The following YJU2 variants were observed in gnomAD, a reference collection of about 807,000 sequenced individuals.
YJU2 encodes the protein YJU2 splicing factor homolog.
Under a neutral mutation model 39.6 loss-of-function variants are expected in YJU2, and 28 were observed. The observed-to-expected ratio is 0.71, with a 90% CI of 0.52 to 0.97. The LOEUF (loss-of-function observed/expected upper bound fraction) is 0.97. Among genes scored for constraint, YJU2 ranks in the 50% least tolerant of loss-of-function variants. YJU2 has a pLI of 0.00. For synonymous variants in YJU2, 184 were observed against 182.4 expected (o/e 1.01, Z -0.07); for missense variants, 328 against 430.4 (o/e 0.76, Z 2.11).
intron 4 of YJU2, among the ~76,000 whole-genome samples, chr19:4,257,381 C>G (rs34674639): frequency 1.3e-5 from 2 of 152,040 alleles, no homozygotes; most frequent in Non-Finnish European, 2.9e-5. Context: ...CAACCTCTGC[C>G]TCCTGGGTTC....
chr19:4,263,174 A>G (rs1431803398), intron 6 of YJU2, among the ~76,000 whole-genome samples: 2 of 152,102 alleles, frequency 1.3e-5, no homozygotes, highest in African/African-American at 2.4e-5. Flanking sequence ...AAGAGAATGT[A>G]AAGAAAGAAC....
intron 6 of YJU2, among the ~76,000 whole-genome samples, chr19:4,264,034 G>A (rs529499691): frequency 2.1e-4 from 32 of 151,700 alleles, no homozygotes; most frequent in East Asian, 3.9e-4. Flanking sequence ...AGGCCAAGGC[G>A]GGTGGATCAC....
chr19:4,260,700 T>G (rs532952576), intron 5 of YJU2, among the ~76,000 whole-genome samples: 40 of 151,984 alleles, frequency 2.6e-4, no homozygotes, highest in Non-Finnish European at 4.1e-4. Flanking sequence ...GCTCAAGCGA[T>G]CCTCCCGTCT....
chr19:4,249,618 T>C (rs1599495510), intron 2 of YJU2, among the ~76,000 whole-genome samples: 1 of 151,630 alleles, frequency 6.6e-6, no homozygotes, highest in South Asian at 2.1e-4. Flanking sequence ...ATATTTCAGC[T>C]CCTCCAACAG....
intron 1 of YJU2, 161 bp downstream of exon 1, chr19:4,247,331 C>T: frequency 1.6e-6 from 1 of 610,546 alleles, no homozygotes; most frequent in Non-Finnish European, 2.8e-6. Flanking sequence ...CTCCCCATCG[C>T]CTTCCGTCGG....
At chr19:4,247,241 T>C (rs1379992538) in intron 1 of YJU2, 71 bp downstream of exon 1, 1 of 1,355,820 alleles carries the variant, frequency 7.4e-7, no homozygotes, top group Non-Finnish European at 1.0e-6. Context: ...GGGAGGAGCT[T>C]CCTGAGATCT....
intron 6 of YJU2, among the ~76,000 whole-genome samples, chr19:4,264,820 G>C (rs1206425935): frequency 2.0e-5 from 3 of 151,650 alleles, no homozygotes; most frequent in Non-Finnish European, 4.4e-5. Flanking sequence ...CAGAGATGCG[G>C]TCTTGCTGTG....
Position 4,255,056 on chromosome 19 carries a change from CA to C in YJU2, c.405+585del, listed in dbSNP as rs33989575. Reference sequence around the variant, plus strand: ...GGGTGACAGAGTGAGATTCTGTCTCCAAAAAAAAAAAAAAAAAATTAGTCAA... The same window carrying C: ...GGGTGACAGAGTGAGATTCTGTCTCCAAAAAAAAAAAAAAAAATTAGTCAA... On this transcript the variant is annotated intron_variant, in intron 4 of 7. Transcript: ENST00000262962. 3.8e-3 allele frequency among the ~76,000 whole-genome samples: 365 copies of C among 95,852 alleles called. 2 individuals carry two copies. The highest frequency in any genetic ancestry group is 7.9e-3 in the African/African-American group (209 of 26,462). The allele number at this position is 95,852 out of a possible 152,430, so 62.9% of individuals were successfully genotyped here.
chr19:4,264,409 G>A (rs1971099872), intron 6 of YJU2, among the ~76,000 whole-genome samples: 1 of 151,460 alleles, frequency 6.6e-6, no homozygotes, highest in East Asian at 1.9e-4. Context: ...CTAGGCTCAA[G>A]CAATCCTCCC....
intron 4 of YJU2, among the ~76,000 whole-genome samples, chr19:4,256,181 AAT>A (rs1555725229): frequency 1.3e-3 from 166 of 125,846 alleles, no homozygotes; most frequent in East Asian, 2.6e-3. Context: ...AAAAAAAAAA[AAT>A]ATATATATAT....
At chr19:4,255,390 C>G (rs1971011532) in intron 4 of YJU2, among the ~76,000 whole-genome samples, 1 of 151,942 alleles carries the variant, frequency 6.6e-6, no homozygotes, top group Non-Finnish European at 1.5e-5. Context: ...CAAAGACCAG[C>G]CTGGGCAACA....
chr19:4,267,544 G>A, intron 6 of YJU2, 80 bp from the exon 7 acceptor site: 1 of 1,455,058 alleles, frequency 6.9e-7, no homozygotes, highest in Non-Finnish European at 9.5e-7. Context: ...GCATGGGGCA[G>A]TGAGCAGGGG....
chr19:4,266,017 G>T (rs376505015), intron 6 of YJU2, among the ~76,000 whole-genome samples: 2 of 147,974 alleles, frequency 1.4e-5, no homozygotes, highest in African/African-American at 5.1e-5. Flanking sequence ...GCAGTGGCAC[G>T]ATCTCGGCTC....
chr19:4,267,492 G>A, intron 6 of YJU2, 132 bp from the exon 7 acceptor site: 1 of 945,584 alleles, frequency 1.1e-6, no homozygotes, highest in Non-Finnish European at 1.6e-6. Flanking sequence ...GAGGAGTTTA[G>A]AGCAGAGGAG....
Position 4,247,558 on chromosome 19 carries a change from TGGGTG to T in YJU2, c.24+405_24+409del, listed in dbSNP as rs1216522210. On this transcript the variant is annotated intron_variant, in intron 1 of 7. Coordinates refer to ENST00000262962, the MANE Select transcript of YJU2 (RefSeq NM_018074.6). ...GGGGACTGTAACCAATCGTGTACTT[TGGGTG>T]GGGTGGGGTGGGGTGGCGCGTGTGT... Among the ~76,000 whole-genome samples the T allele has an allele frequency of 1.2e-3, 64 of 54,128 alleles. 4 individuals are homozygous for T. Among genetic ancestry groups the T allele is most frequent in the African/African-American group, 2.2e-3 (15 of 6,794 alleles). The allele number at this position is 54,128 out of a possible 152,430, so 35.5% of individuals were successfully genotyped here.
rs543580607 is a variant in YJU2, at chr19:4,257,350, T to C, written c.406-892T>C. ...GCTCTGTCACCCAAGCTGGAATGCA[T>C]TGGCACGATCTGAGCTCAGTCAACC... On this transcript the variant is annotated intron_variant, in intron 4 of 7. Coordinates refer to ENST00000262962, the MANE Select transcript of YJU2 (RefSeq NM_018074.6). 1.6e-3 allele frequency among the ~76,000 whole-genome samples: 239 copies of C among 152,326 alleles called. 6 individuals carry two copies. The South Asian group carries it at 0.049, about 31-fold the overall frequency.
chr19:4,258,833 C>T (rs1349620820), intron 5 of YJU2, among the ~76,000 whole-genome samples: 2 of 152,178 alleles, frequency 1.3e-5, no homozygotes, highest in Non-Finnish European at 2.9e-5. Context: ...CGTGGGGTTC[C>T]TATGGGGCCT....
At chr19:4,257,237 C>G (rs4807559) in intron 4 of YJU2, among the ~76,000 whole-genome samples, 61,525 of 151,786 alleles carry the variant, frequency 0.41, 14,408 homozygotes, top group African/African-American at 0.65. Context: ...ATATGGAAAC[C>G]TCTTAGCCCA....
intron 6 of YJU2, among the ~76,000 whole-genome samples, chr19:4,262,871 G>A: frequency 6.6e-6 from 1 of 151,932 alleles, no homozygotes; most frequent in East Asian, 1.9e-4. Flanking sequence ...CAGTATGACC[G>A]AACTCCAGCC....
Sources: gnomAD v4.1 joint callset for allele counts (sites outside exome capture counted in the v4.1 genomes callset) on GRCh38, gnomAD v4.1.1 for gene constraint, MANE v1.5 for transcripts, NCBI Gene and HGNC (gene_info 2026-07-23, HGNC 2026-07-21) for gene names.